Variants in RAP1GAP2 observed in about 807,000 individuals in gnomAD.
RAP1GAP2 encodes RAP1 GTPase activating protein 2.
Under a neutral mutation model 95.0 loss-of-function variants are expected in RAP1GAP2, and 27 were observed. That is an observed-to-expected ratio of 0.28 (90% CI 0.21 to 0.39). The LOEUF (loss-of-function observed/expected upper bound fraction) is 0.39, where lower values mean the gene tolerates loss of function less well. Ranked by LOEUF, RAP1GAP2 falls within the 10% of genes least tolerant of loss-of-function variation. The pLI is 1.00. For synonymous variants in RAP1GAP2, 373 were observed against 380.9 expected (o/e 0.98, Z 0.24); for missense variants, 771 against 970.0 (o/e 0.79, Z 2.72).
At chr17:2,921,066 G>C (rs915807828) in intron 3 of RAP1GAP2, among the ~76,000 whole-genome samples, 5 of 152,148 alleles carry the variant, frequency 3.3e-5, no homozygotes, top group Non-Finnish European at 7.4e-5. Flanking sequence ...GAGCCCCCCC[G>C]GCAGACTCTG....
intron 2 of RAP1GAP2, among the ~76,000 whole-genome samples, chr17:2,818,785 A>T (rs1447072854): frequency 6.6e-6 from 1 of 152,162 alleles, no homozygotes; most frequent in Non-Finnish European, 1.5e-5. Context: ...CTTGGCTCTG[A>T]CACGCAGCAG....
intron 2 of RAP1GAP2, among the ~76,000 whole-genome samples, chr17:2,862,996 CAAAAAA>C (rs1164520490): frequency 2.0e-5 from 1 of 49,018 alleles, no homozygotes. Flanking sequence ...GACTCTGTCT[CAAAAAA>C]AAAAAAAAAA....
At chr17:2,814,253 CTG>C (rs2069902347) in intron 2 of RAP1GAP2, among the ~76,000 whole-genome samples, 1 of 152,176 alleles carries the variant, frequency 6.6e-6, no homozygotes, top group South Asian at 2.1e-4. Flanking sequence ...CTCTGTGCCT[CTG>C]TCAGTTCTGG....
chr17:2,823,808 G>A (rs1384347951), intron 2 of RAP1GAP2, among the ~76,000 whole-genome samples: 2 of 152,150 alleles, frequency 1.3e-5, no homozygotes, highest in African/African-American at 4.8e-5. Context: ...AGCAGAATGG[G>A]AAGCAACACG....
intron 2 of RAP1GAP2, among the ~76,000 whole-genome samples, chr17:2,821,853 G>A (rs536343699): frequency 3.9e-5 from 6 of 152,224 alleles, no homozygotes; most frequent in African/African-American, 1.4e-4. Flanking sequence ...ACTGTACAGC[G>A]CTGGTTGAGA....
At chr17:2,896,779 GGTCCT>G (rs1264811916) in intron 2 of RAP1GAP2, among the ~76,000 whole-genome samples, 3 of 152,216 alleles carry the variant, frequency 2.0e-5, no homozygotes, top group African/African-American at 4.8e-5. Context: ...TAGGACTTCA[GGTCCT>G]GTCCTCATCT....
chr17:2,850,267 T>C (rs2071780070), intron 2 of RAP1GAP2, among the ~76,000 whole-genome samples: 1 of 151,308 alleles, frequency 6.6e-6, no homozygotes, highest in South Asian at 2.1e-4. Flanking sequence ...CCCAAAGTGC[T>C]GGGATTACAG....
upstream of RAP1GAP2, among the ~76,000 whole-genome samples, chr17:2,772,973 C>T (rs2068427587): frequency 6.6e-6 from 1 of 151,706 alleles, no homozygotes; most frequent in Non-Finnish European, 1.5e-5. Flanking sequence ...ATTCTCCTGC[C>T]TCAGCCTCCC....
chr17:2,977,328 A>G (rs2151525781), intron 8 of RAP1GAP2, among the ~76,000 whole-genome samples: 1 of 152,332 alleles, frequency 6.6e-6, no homozygotes, highest in East Asian at 1.9e-4. Flanking sequence ...AACATTCACC[A>G]CTAAAGAATT....
intron 2 of RAP1GAP2, among the ~76,000 whole-genome samples, chr17:2,877,583 A>T (rs1001282601): frequency 3.9e-5 from 6 of 152,088 alleles, no homozygotes; most frequent in African/African-American, 1.4e-4. Flanking sequence ...CCCCATCTCT[A>T]CTAAAAAAAC....
chr17:2,899,317 C>G (rs1228293186), intron 2 of RAP1GAP2, among the ~76,000 whole-genome samples: 1 of 151,986 alleles, frequency 6.6e-6, no homozygotes, highest in Non-Finnish European at 1.5e-5. Flanking sequence ...CGCTATTCTC[C>G]TGCCTCAGCC....
intron 8 of RAP1GAP2, among the ~76,000 whole-genome samples, chr17:2,974,055 G>A (rs2044988415): frequency 6.6e-6 from 1 of 152,006 alleles, no homozygotes; most frequent in African/African-American, 2.4e-5. Flanking sequence ...AAAAAAGAAA[G>A]AAGGGGCCGG....
chr17:2,766,211 C>T (rs770419852), intron 1 of RAP1GAP2, among the ~76,000 whole-genome samples: 10 of 152,160 alleles, frequency 6.6e-5, no homozygotes, highest in East Asian at 1.9e-4. Flanking sequence ...CATTCTACCA[C>T]GGCGCCTTTC....
At chr17:2,932,738 C>T (rs1050464337) in intron 3 of RAP1GAP2, among the ~76,000 whole-genome samples, 1 of 148,228 alleles carries the variant, frequency 6.7e-6, no homozygotes, top group Non-Finnish European at 1.5e-5. Flanking sequence ...ATCACTTGAA[C>T]CCGGGGGAGG....
chr17:2,915,259 C>G (rs1329822428), intron 3 of RAP1GAP2, among the ~76,000 whole-genome samples: 2 of 151,814 alleles, frequency 1.3e-5, no homozygotes, highest in African/African-American at 4.8e-5. Context: ...GATACAAGGT[C>G]TCACTTTGTT....
At position 2,874,610 on chromosome 17, in the gene RAP1GAP2, A is replaced by G. The variant is rs112124532; in HGVS notation, c.81-30674A>G. Among the ~76,000 whole-genome samples, 805 of 152,324 alleles carry G rather than the reference A, an allele frequency of 5.3e-3. 4 individuals are homozygous for G. Among genetic ancestry groups the G allele is most frequent in the African/African-American group, 0.018 (766 of 41,562 alleles). On this transcript the variant is annotated intron_variant, in intron 2 of 24. Coordinates refer to ENST00000254695, the MANE Select transcript of RAP1GAP2 (RefSeq NM_015085.5). ...GGGAGAAAGGACCCGATCAAGGTCA[A>G]CAGCCTGAACCAGTCAGAGGCCTCA...
upstream of RAP1GAP2, among the ~76,000 whole-genome samples, chr17:2,776,748 G>A (rs1361500937): frequency 1.3e-5 from 2 of 149,874 alleles, no homozygotes; most frequent in African/African-American, 4.9e-5. Flanking sequence ...GCTGCGGAGG[G>A]CGCGGCTTTG....
At chr17:2,826,137 C>T (rs548407288) in intron 2 of RAP1GAP2, among the ~76,000 whole-genome samples, 6 of 145,174 alleles carry the variant, frequency 4.1e-5, no homozygotes, top group Non-Finnish European at 7.5e-5. Flanking sequence ...CCCACCACCA[C>T]GCCCAGCAAA....
At chr17:3,007,232 G>T (rs995340242) in intron 16 of RAP1GAP2, among the ~76,000 whole-genome samples, 3 of 152,162 alleles carry the variant, frequency 2.0e-5, no homozygotes, top group African/African-American at 7.2e-5. Context: ...TTTGAGCTCG[G>T]GACGGTGGGC....
Sources: gnomAD v4.1 joint callset for allele counts (sites outside exome capture counted in the v4.1 genomes callset) on GRCh38, gnomAD v4.1.1 for gene constraint, MANE v1.5 for transcripts, NCBI Gene and HGNC (gene_info 2026-07-23, HGNC 2026-07-21) for gene names.